Variants in DNAH11 observed in about 807,000 individuals in gnomAD.
DNAH11 encodes dynein axonemal heavy chain 11.
Under a neutral mutation model 526.0 loss-of-function variants are expected in DNAH11, and 442 were observed. The ratio of observed to expected loss-of-function variants is 0.84; its 90% CI spans 0.78 to 0.91. The LOEUF (loss-of-function observed/expected upper bound fraction) is 0.91, where lower values mean the gene tolerates loss of function less well. Among genes scored for constraint, DNAH11 ranks in the 40% least tolerant of loss-of-function variants. DNAH11 has a pLI of 0.00. For missense variants in DNAH11, 6,989 were observed against 5,448.7 expected, an observed-to-expected ratio of 1.28 and a Z score of -8.90; for synonymous variants, 2,461 against 1,935.9, an observed-to-expected ratio of 1.27 and a Z score of -7.12.
At chr7:21,644,803 A>G (rs1400267651) in intron 28 of DNAH11, among the ~76,000 whole-genome samples, 1 of 152,234 alleles carries the variant, frequency 6.6e-6, no homozygotes, top group African/African-American at 2.4e-5. Flanking sequence ...ATACCTTAAT[A>G]TAAAGGCAGC....
chr7:21,691,709 C>T (rs1562492818), intron 35 of DNAH11, among the ~76,000 whole-genome samples: 2 of 152,040 alleles, frequency 1.3e-5, no homozygotes. Flanking sequence ...AATATTTTGA[C>T]ATATTTTATC....
At chr7:21,639,236 G>A (rs564265568) in intron 28 of DNAH11, among the ~76,000 whole-genome samples, 171 bp downstream of exon 28, 1 of 152,290 alleles carries the variant, frequency 6.6e-6, no homozygotes, top group African/African-American at 2.4e-5. Context: ...GTGCAAAAGG[G>A]AGTAGGAAGA....
At chr7:21,756,042 C>T (rs1562528019) in intron 54 of DNAH11, among the ~76,000 whole-genome samples, 1 of 151,922 alleles carries the variant, frequency 6.6e-6, no homozygotes, top group Non-Finnish European at 1.5e-5. Context: ...TGATGACCTC[C>T]TGTTTTACAT....
At chr7:21,799,621 C>G (rs1014080544) in intron 61 of DNAH11, among the ~76,000 whole-genome samples, 25 of 152,182 alleles carry the variant, frequency 1.6e-4, no homozygotes, top group African/African-American at 6.0e-4. Context: ...CAGGCATGAC[C>G]CACCGCACCC....
intron 14 of DNAH11, among the ~76,000 whole-genome samples, chr7:21,597,812 C>G (rs1784920832): frequency 1.3e-5 from 2 of 152,182 alleles, no homozygotes; most frequent in African/African-American, 4.8e-5. Context: ...ACAAGATGGT[C>G]TCTAAGGATT....
Position 21,852,566 on chromosome 7 carries a change from G to A in DNAH11, c.10996G>A (p.Asp3666Asn), listed in dbSNP as rs1189860764. 6.2e-7 allele frequency: 1 copy of A among 1,612,738 alleles called. No homozygotes were observed. Among genetic ancestry groups the A allele is most frequent in the Admixed American group, 1.7e-5 (1 of 59,802 alleles). The change falls in exon 67 of 82, where the codon GAT becomes AAT. Residue 3666 changes from aspartate to asparagine, a missense_variant. By Grantham distance (23) the Asp-to-Asn change is conservative. Coordinates refer to ENST00000409508, the MANE Select transcript of DNAH11 (RefSeq NM_001277115.2). Reference protein sequence around the residue: ...RLSAAEGSFLDDTKLVERLEA... With the variant: ...RLSAAEGSFLNDTKLVERLEA... ...TTCTGCGGCAGAGGGAAGCTTTCTG[G>A]ATGACACCAAACTGGTAGAGAGATT...
intron 8 of DNAH11, among the ~76,000 whole-genome samples, chr7:21,573,337 G>T (rs1453463484): frequency 2.0e-5 from 3 of 152,012 alleles, no homozygotes; most frequent in East Asian, 1.9e-4. Flanking sequence ...TCTGATCTTC[G>T]GTCTGGTTGG....
At chr7:21,801,319 C>T in intron 62 of DNAH11, 44 bp downstream of exon 62, 1 of 1,607,148 alleles carries the variant, frequency 6.2e-7, no homozygotes. Context: ...ATGTTCAGAT[C>T]AGCTTGTGGG....
At chr7:21,833,131 C>T (rs561431337) in intron 65 of DNAH11, among the ~76,000 whole-genome samples, 164 of 152,276 alleles carry the variant, frequency 1.1e-3, no homozygotes, top group Admixed American at 1.7e-3. Context: ...TTCTCTGATT[C>T]AGTGTTCTTG....
At chr7:21,728,465 G>A (rs1444804686) in intron 45 of DNAH11, among the ~76,000 whole-genome samples, 4 of 151,630 alleles carry the variant, frequency 2.6e-5, no homozygotes, top group Non-Finnish European at 4.4e-5. Context: ...CACCATGTTG[G>A]CCAGGCTGGT....
At chr7:21,624,619 A>G (rs961515944) in intron 25 of DNAH11, among the ~76,000 whole-genome samples, 1 of 152,048 alleles carries the variant, frequency 6.6e-6, no homozygotes, top group Non-Finnish European at 1.5e-5. Flanking sequence ...GGGCATCCTT[A>G]TCTTTTTCCT....
chr7:21,587,723 A>G (rs1023062581), intron 9 of DNAH11, among the ~76,000 whole-genome samples: 1 of 152,184 alleles, frequency 6.6e-6, no homozygotes, highest in African/African-American at 2.4e-5. Flanking sequence ...GAACAATAAC[A>G]AGTATGTGAA....
At chr7:21,724,654 C>G (rs1357421654) in intron 44 of DNAH11, among the ~76,000 whole-genome samples, 1 of 150,802 alleles carries the variant, frequency 6.6e-6, no homozygotes, top group Non-Finnish European at 1.5e-5. Context: ...AGTCGCTGAG[C>G]CAGGTCATCC....
At chr7:21,609,334 A>G (rs1172411568) in intron 20 of DNAH11, among the ~76,000 whole-genome samples, 2 of 152,002 alleles carry the variant, frequency 1.3e-5, no homozygotes, top group Non-Finnish European at 2.9e-5. Context: ...TCCTGCCTCA[A>G]CGTCCTGAGT....
At chr7:21,678,376 T>G (rs1367505445) in intron 30 of DNAH11, among the ~76,000 whole-genome samples, 1 of 152,132 alleles carries the variant, frequency 6.6e-6, no homozygotes, top group Non-Finnish European at 1.5e-5. Context: ...TTGAAAAATT[T>G]ATTTTTTAAC....
chr7:21,761,738 G>A lies in DNAH11; in HGVS notation c.8941-3690G>A, dbSNP rs192681221. On this transcript the variant is annotated intron_variant, in intron 54 of 81. Transcript: ENST00000409508. ...CTCACAATATGAAATTTTACATAGTGTTGTGAGGATCCTTATTTAAGCAAT... is the reference window on the plus strand; with the variant it reads ...CTCACAATATGAAATTTTACATAGTATTGTGAGGATCCTTATTTAAGCAAT... Among the ~76,000 whole-genome samples, 319 of 152,322 alleles carry A rather than the reference G, an allele frequency of 2.1e-3. 1 individual carries two copies. Among genetic ancestry groups the A allele is most frequent in the African/African-American group, 7.5e-3 (311 of 41,566 alleles).
intron 66 of DNAH11, among the ~76,000 whole-genome samples, chr7:21,850,456 T>A (rs927210904): frequency 1.3e-5 from 2 of 152,016 alleles, no homozygotes; most frequent in Non-Finnish European, 2.9e-5. Context: ...AGTTTCTATC[T>A]CTACTTACAT....
chr7:21,626,168 C>G (rs1218547596), intron 25 of DNAH11, among the ~76,000 whole-genome samples: 1 of 151,960 alleles, frequency 6.6e-6, no homozygotes, highest in African/African-American at 2.4e-5. Context: ...CTTATGAGAC[C>G]CGCTTTTTAA....
At chr7:21,900,863 G>T in intron 81 of DNAH11, 144 bp from the exon 82 acceptor site, 3 of 1,367,692 alleles carry the variant, frequency 2.2e-6, no homozygotes, top group Non-Finnish European at 2.9e-6. Context: ...AGCTCAGTCC[G>T]GCCAGCTCAG....
Sources: gnomAD v4.1 joint callset for allele counts (sites outside exome capture counted in the v4.1 genomes callset) on GRCh38, gnomAD v4.1.1 for gene constraint, MANE v1.5 for transcripts, NCBI Gene and HGNC (gene_info 2026-07-23, HGNC 2026-07-21) for gene names.